CAMK1D: variants seen among roughly 807,000 people sequenced by gnomAD.
The protein encoded by CAMK1D is calcium/calmodulin-dependent protein kinase type 1D.
A neutral mutation model predicts 47.7 loss-of-function variants in CAMK1D; 9 were observed. That is an observed-to-expected ratio of 0.19 (90% CI 0.11 to 0.33). The LOEUF (loss-of-function observed/expected upper bound fraction) is 0.33, where lower values mean the gene tolerates loss of function less well. Ranked by LOEUF, CAMK1D falls within the 10% of genes least tolerant of loss-of-function variation. The probability of loss-of-function intolerance (pLI) is 1.00; values close to 1 mark genes in which losing one functional copy is unlikely to be tolerated. For missense variants in CAMK1D, 291 were observed against 488.7 expected (o/e 0.60, Z 3.81); for synonymous variants, 184 against 184.9 (o/e 0.99, Z 0.04).
At chr10:12,399,513 A>C (rs1839095526) in intron 1 of CAMK1D, among the ~76,000 whole-genome samples, 1 of 152,098 alleles carries the variant, frequency 6.6e-6, no homozygotes, top group Admixed American at 6.5e-5. Context: ...GAAAAAAAAA[A>C]AAGAAGTTGA....
intron 1 of CAMK1D, among the ~76,000 whole-genome samples, chr10:12,424,117 G>A (rs892771210): frequency 2.6e-5 from 4 of 152,068 alleles, no homozygotes; most frequent in African/African-American, 9.7e-5. Context: ...GGGGCCACTC[G>A]GTGGGATAAT....
intron 6 of CAMK1D, among the ~76,000 whole-genome samples, chr10:12,797,078 C>G (rs1253245384): frequency 6.6e-6 from 1 of 152,140 alleles, no homozygotes; most frequent in East Asian, 1.9e-4. Flanking sequence ...GCAGTGGAGG[C>G]GGGTGGCCTT....
At chr10:12,818,045 C>T (rs1564585616) in intron 8 of CAMK1D, among the ~76,000 whole-genome samples, 2 of 152,068 alleles carry the variant, frequency 1.3e-5, no homozygotes. Flanking sequence ...TGCCAAGAGT[C>T]GTAAAATACC....
intron 1 of CAMK1D, among the ~76,000 whole-genome samples, chr10:12,477,777 A>G (rs1022351621): frequency 3.3e-5 from 5 of 152,090 alleles, no homozygotes; most frequent in Admixed American, 3.3e-4. Context: ...GCGATGCCAG[A>G]GGGGAAAGGT....
chr10:12,712,007 G>A (rs1280857206), intron 3 of CAMK1D, among the ~76,000 whole-genome samples: 2 of 152,186 alleles, frequency 1.3e-5, no homozygotes, highest in East Asian at 3.8e-4. Context: ...GTTTTTCAGT[G>A]GAAAATGTGA....
chr10:12,368,557 C>G (rs1174482711), intron 1 of CAMK1D, among the ~76,000 whole-genome samples: 1 of 152,126 alleles, frequency 6.6e-6, no homozygotes, highest in Non-Finnish European at 1.5e-5. Context: ...TTTCTCTTCT[C>G]TCACATTTAA....
chr10:12,422,472 C>G (rs768211558), intron 1 of CAMK1D, among the ~76,000 whole-genome samples: 1 of 152,082 alleles, frequency 6.6e-6, no homozygotes, highest in Non-Finnish European at 1.5e-5. Context: ...ACAGGTCTTA[C>G]GAGGGGATGC....
intron 6 of CAMK1D, among the ~76,000 whole-genome samples, chr10:12,808,698 A>G (rs1832471280): frequency 6.6e-6 from 1 of 152,128 alleles, no homozygotes; most frequent in African/African-American, 2.4e-5. Flanking sequence ...GAATCACTTG[A>G]ACCCAGGAGG....
chr10:12,354,867 A>C (rs1837461558), intron 1 of CAMK1D, among the ~76,000 whole-genome samples: 1 of 136,422 alleles, frequency 7.3e-6, no homozygotes, highest in Admixed American at 7.9e-5. Flanking sequence ...TTTGAGACAG[A>C]GCCTTGCTCT....
At chr10:12,471,471 C>A (rs114962550) in intron 1 of CAMK1D, among the ~76,000 whole-genome samples, 2 of 152,120 alleles carry the variant, frequency 1.3e-5, no homozygotes, top group Admixed American at 6.5e-5. Flanking sequence ...CCATGTGAAC[C>A]GTGTCCGAGG....
intron 2 of CAMK1D, among the ~76,000 whole-genome samples, chr10:12,605,691 G>C (rs555989071): frequency 6.6e-6 from 1 of 152,112 alleles, no homozygotes; most frequent in Non-Finnish European, 1.5e-5. Context: ...CCTGGGGGCT[G>C]CGGTGCCACT....
At chr10:12,790,599 TCA>T (rs930380463) in intron 5 of CAMK1D, among the ~76,000 whole-genome samples, 2 of 128,796 alleles carry the variant, frequency 1.6e-5, no homozygotes, top group Admixed American at 1.7e-4. Flanking sequence ...ATCTCACATC[TCA>T]CACACACACA....
intron 1 of CAMK1D, among the ~76,000 whole-genome samples, chr10:12,488,505 A>G (rs2132113803): frequency 6.6e-6 from 1 of 152,268 alleles, no homozygotes; most frequent in South Asian, 2.1e-4. Flanking sequence ...CATGGAAGAC[A>G]AATGTTTCCG....
chr10:12,473,364 G>A (rs113048072), intron 1 of CAMK1D, among the ~76,000 whole-genome samples: 1,807 of 152,166 alleles, frequency 0.012, 39 homozygotes, highest in African/African-American at 0.04. Flanking sequence ...AACTTGGGAG[G>A]TGGAAGTTGC....
chr10:12,734,557 TATAC>T (rs1445516840), intron 3 of CAMK1D, among the ~76,000 whole-genome samples: 1 of 147,798 alleles, frequency 6.8e-6, no homozygotes, highest in Non-Finnish European at 1.5e-5. Flanking sequence ...TATGTATATA[TATAC>T]ACATATGTGT....
intron 10 of CAMK1D, among the ~76,000 whole-genome samples, chr10:12,827,147 T>G (rs554691119): frequency 6.7e-6 from 1 of 149,648 alleles, no homozygotes; most frequent in South Asian, 2.1e-4. Context: ...TCTTTTTCTT[T>G]CCCTCCTTTA....
intron 5 of CAMK1D, among the ~76,000 whole-genome samples, chr10:12,784,553 G>A (rs182850942): frequency 2.0e-5 from 3 of 152,298 alleles, no homozygotes; most frequent in Admixed American, 2.0e-4. Flanking sequence ...CACACACTGA[G>A]AGTTAGGGTG....
intron 1 of CAMK1D, among the ~76,000 whole-genome samples, chr10:12,421,213 C>T (rs1441086924): frequency 6.6e-6 from 1 of 152,180 alleles, no homozygotes; most frequent in African/African-American, 2.4e-5. Context: ...ATAGGAATCC[C>T]TTTCTCTCAA....
intron 1 of CAMK1D, among the ~76,000 whole-genome samples, chr10:12,354,585 A>G (rs1837447455): frequency 6.7e-6 from 1 of 150,094 alleles, no homozygotes; most frequent in Non-Finnish European, 1.5e-5. Flanking sequence ...ATTTTTTTGT[A>G]TTTTTTAGTA....
Sources: allele counts gnomAD v4.1 joint callset (sites outside exome capture counted in the v4.1 genomes callset), GRCh38; gene constraint gnomAD v4.1.1; transcripts MANE v1.5; gene names NCBI Gene and HGNC (gene_info 2026-07-23, HGNC 2026-07-21).